Variants in ECSIT observed in about 807,000 individuals in gnomAD.
ECSIT encodes the protein ECSIT signaling integrator.
Under a neutral mutation model 36.8 loss-of-function variants are expected in ECSIT, and 29 were observed. The ratio of observed to expected loss-of-function variants is 0.79; its 90% CI spans 0.59 to 1.08. ECSIT has a LOEUF of 1.08. Ranked by LOEUF, ECSIT falls within the 50% of genes least tolerant of loss-of-function variation. The pLI is 0.00. For missense variants in ECSIT, 542 were observed against 581.0 expected, an observed-to-expected ratio of 0.93 and a Z score of 0.69; for synonymous variants, 231 against 234.8, an observed-to-expected ratio of 0.98 and a Z score of 0.15.
Position 11,506,391 on chromosome 19 carries a change from A to G in ECSIT, c.1089T>C (p.Gly363=). 1 of 1,613,164 alleles carries G rather than the reference A, an allele frequency of 6.2e-7. No homozygotes were observed. The highest frequency in any genetic ancestry group is 8.5e-7 in the Non-Finnish European group (1 of 1,179,740). Residue 363 remains glycine, a synonymous_variant, in exon 8 of 8, where the codon GGT becomes GGC. Coordinates refer to ENST00000270517, the MANE Select transcript of ECSIT (RefSeq NM_016581.5). ...TAGCCATCGTCGCCTGGTCATGAGC[A>G]CCCGCCATGCACATGGCGAAGACAG... is the stretch of plus-strand genomic sequence containing the variant. ...EGPVFAMCMA[G]AHDQATMAKW...
At chr19:11,506,505 G>T in intron 7 of ECSIT, 77 bp from the exon 8 acceptor site, 14 of 1,253,296 alleles carry the variant, frequency 1.1e-5, no homozygotes, top group Non-Finnish European at 1.4e-5. Flanking sequence ...CCTTTTTGAG[G>T]TATTTTACAC....
chr19:11,509,698 G>A (rs1232534634), intron 4 of ECSIT, among the ~76,000 whole-genome samples: 1 of 151,366 alleles, frequency 6.6e-6, no homozygotes, highest in Non-Finnish European at 1.5e-5. Context: ...AACCTGGGAG[G>A]AGGAGGTTGT....
Position 11,513,873 on chromosome 19 carries a change from G to A in ECSIT, c.445C>T (p.Arg149Cys), listed in dbSNP as rs780511307. Reference protein sequence around the residue: ...EVFRPRNIIQRIFVHYPRQQE... With the variant: ...EVFRPRNIIQCIFVHYPRQQE... The stretch of plus-strand genomic sequence containing the variant: ...TGCCGAGGGTAGTGGACGAAGATGC[G>A]CTGGATGATGTTGCGAGGCCGGAAG... Residue 149 changes from arginine to cysteine, a missense_variant, in exon 3 of 8, where the codon CGC becomes TGC. By Grantham distance (180) the Arg-to-Cys change is radical. Coordinates refer to ENST00000270517, the MANE Select transcript of ECSIT (RefSeq NM_016581.5). 15 of 1,614,036 alleles carry A rather than the reference G, an allele frequency of 9.3e-6. No individual in the cohort carries two copies. The highest frequency in any genetic ancestry group is 2.7e-5 in the African/African-American group (2 of 74,910).
intron 3 of ECSIT, 66 bp from the exon 4 acceptor site, chr19:11,513,345 A>G (rs1316744840): frequency 9.9e-6 from 13 of 1,318,644 alleles, no homozygotes; most frequent in Non-Finnish European, 1.4e-5. Context: ...AAGAGGAGAA[A>G]AGAAAACAGT....
rs1179246454 is a variant in ECSIT, at chr19:11,519,555, C to G, written c.-23-362G>C. Among the ~76,000 whole-genome samples the G allele has an allele frequency of 6.6e-6, 1 of 152,134 alleles. No individual in the cohort carries two copies. Among genetic ancestry groups the G allele is most frequent in the Non-Finnish European group, 1.5e-5 (1 of 68,022 alleles). On this transcript the variant is annotated intron_variant, in intron 1 of 7. Transcript: ENST00000270517. The surrounding 1 kb of genome is among the most constrained non-coding windows in gnomAD (Gnocchi z 4.4). ...CTGTGTTGCCCAGGCTGGTCTCGAACTGTTGGCTTCAAGTGATCCTCCCAT... is the reference window on the plus strand; with the variant it reads ...CTGTGTTGCCCAGGCTGGTCTCGAAGTGTTGGCTTCAAGTGATCCTCCCAT...
intron 7 of ECSIT, 100 bp from the exon 8 acceptor site, chr19:11,506,528 C>CT: frequency 1.0e-6 from 1 of 1,004,584 alleles, no homozygotes. Context: ...CCTTCCACTT[C>CT]CTTTTTTTTT....
chr19:11,521,505 G>A (rs576776398), intron 1 of ECSIT, among the ~76,000 whole-genome samples: 4 of 150,104 alleles, frequency 2.7e-5, no homozygotes, highest in African/African-American at 7.4e-5. Context: ...GGTGGCTAAC[G>A]CCTGTAATCA....
intron 7 of ECSIT, 31 bp downstream of exon 7, chr19:11,507,426 T>C (rs1971770573): frequency 1.9e-6 from 3 of 1,572,146 alleles, no homozygotes; most frequent in Non-Finnish European, 2.6e-6. Flanking sequence ...CGAGCACACA[T>C]GTGAGCCACC....
chr19:11,506,154 C>T lies in ECSIT; in HGVS notation c.*30G>A. 6.3e-7 allele frequency: 1 copy of T among 1,599,736 alleles called. No individual in the cohort carries two copies. The highest frequency in any genetic ancestry group is 8.5e-7 in the Non-Finnish European group (1 of 1,178,850). Reference sequence around the variant, plus strand: ...GCCTTCAGTCCACCGCCTCCTCGGGCCACAGCCCGTGCCCTCGCGCCGGCT... The same window carrying T: ...GCCTTCAGTCCACCGCCTCCTCGGGTCACAGCCCGTGCCCTCGCGCCGGCT... On this transcript the variant is annotated 3_prime_UTR_variant, in exon 8 of 8. Coordinates refer to ENST00000270517, the MANE Select transcript of ECSIT (RefSeq NM_016581.5).
At position 11,507,703 on chromosome 19, in the gene ECSIT, C is replaced by T. The variant is rs148594999; in HGVS notation, c.944G>A (p.Arg315Lys). The change falls in exon 6 of 8, where the codon AGG becomes AAG. Residue 315 changes from arginine to lysine, a missense_variant and splice_region_variant. Arg to Lys is a conservative substitution (Grantham distance 26). Transcript: ENST00000270517. ...LRADLLPPEE[R>K]EVEETPEEWN... ...ACATGCTTTGCTTTAAGCCCTCACC[C>T]TCTCCTCCGGGGGCAGCAAGTCAGC... 1.2e-6 allele frequency: 2 copies of T among 1,614,128 alleles called. No individual in the cohort carries two copies. Among genetic ancestry groups the T allele is most frequent in the Non-Finnish European group, 8.5e-7 (1 of 1,180,038 alleles).
At chr19:11,518,174 C>T (rs1972033962) in intron 2 of ECSIT, among the ~76,000 whole-genome samples, 1 of 152,054 alleles carries the variant, frequency 6.6e-6, no homozygotes, top group African/African-American at 2.4e-5. Flanking sequence ...TGCCTGTAAT[C>T]CCAGCACTCT....
In ECSIT at chr19:11,519,087, G is replaced by C; in HGVS notation, c.84C>G (p.Thr28=). The C allele has an allele frequency of 1.3e-6, 2 of 1,551,534 alleles. No individual in the cohort carries two copies. The highest frequency in any genetic ancestry group is 1.4e-5 in the African/African-American group (1 of 73,168). The change falls in exon 2 of 8, where the codon ACC becomes ACG. Residue 28 remains threonine, a synonymous_variant. Coordinates refer to ENST00000270517, the MANE Select transcript of ECSIT (RefSeq NM_016581.5). The surrounding 1 kb of genome is among the most constrained non-coding windows in gnomAD (Gnocchi z 4.4). Reference sequence around the variant, plus strand: ...GGCTGGTGCTTACCTGAGAGATGGAGGTTCCTGTGAGGGCGGCCCCGCAGG... The same window carrying C: ...GGCTGGTGCTTACCTGAGAGATGGACGTTCCTGTGAGGGCGGCCCCGCAGG... ...GGTCGAALTG[T]SISQVPRRLP... is the part of the protein sequence containing the mutation.
At position 11,507,812 on chromosome 19, in the gene ECSIT, G is replaced by A; in HGVS notation, c.835C>T (p.His279Tyr). The A allele has an allele frequency of 1.2e-6, 2 of 1,613,342 alleles. No homozygotes were observed. The change falls in exon 6 of 8, where the codon CAC becomes TAC. Residue 279 changes from histidine (H) to tyrosine (Y), a missense_variant. Transcript: ENST00000270517. ...SPDQQAALAR[H>Y]NPARPVFVEG... is the part of the protein sequence containing the mutation. ...ACAAAGACAGGCCGGGCTGGATTGT[G>A]GCGGGCCAGGGCGGCCTGCTGATCG...
chr19:11,510,801 C>G (rs1415209415), intron 4 of ECSIT: 2 of 151,774 alleles, frequency 1.3e-5, no homozygotes, highest in Non-Finnish European at 2.9e-5. Flanking sequence ...CCATCTCTCA[C>G]CTGGACCCAC....
At chr19:11,514,687 A>G (rs994719947) in intron 2 of ECSIT, among the ~76,000 whole-genome samples, 1 of 151,856 alleles carries the variant, frequency 6.6e-6, no homozygotes, top group African/African-American at 2.4e-5. Context: ...ACACCTGGCT[A>G]ATTTTTAAAT....
intron 4 of ECSIT, among the ~76,000 whole-genome samples, chr19:11,508,360 G>A (rs1173029788): frequency 6.8e-6 from 1 of 147,546 alleles, no homozygotes; most frequent in African/African-American, 2.6e-5. Context: ...GCACAATAGG[G>A]ATGATAACAG....
At chr19:11,522,033 C>T (rs1467304014) in intron 1 of ECSIT, 2 of 284,066 alleles carry the variant, frequency 7.0e-6, no homozygotes, top group Non-Finnish European at 1.4e-5. Flanking sequence ...CTCCCAAATG[C>T]CACACACCAC....
rs200034122 is a variant in ECSIT, at chr19:11,508,077, G to C, written c.739-29C>G. 1.1e-4 allele frequency: 178 copies of C among 1,613,154 alleles called. 1 individual carries two copies. The highest frequency in any genetic ancestry group is 7.3e-5 in the Non-Finnish European group (86 of 1,179,322). Reference sequence around the variant, plus strand: ...CAAGGGAGAGTAGGGATATAATCTTGTAACCCCCAATCCCCTACAGAGGAA... The same window carrying C: ...CAAGGGAGAGTAGGGATATAATCTTCTAACCCCCAATCCCCTACAGAGGAA... On this transcript the variant is annotated intron_variant, in intron 4 of 7. Coordinates refer to ENST00000270517, the MANE Select transcript of ECSIT (RefSeq NM_016581.5).
chr19:11,523,068 A>T (rs1972140660), intron 1 of ECSIT, among the ~76,000 whole-genome samples: 1 of 152,010 alleles, frequency 6.6e-6, no homozygotes. Flanking sequence ...GAAAGAAAAA[A>T]AAGTTACAGC....
Sources: allele counts gnomAD v4.1 joint callset (sites outside exome capture counted in the v4.1 genomes callset), GRCh38; gene constraint gnomAD v4.1.1; non-coding constraint Gnocchi (gnomAD v3.1); transcripts MANE v1.5; gene names NCBI Gene and HGNC (gene_info 2026-07-23, HGNC 2026-07-21).